Variants in PTPRD observed in about 807,000 individuals in gnomAD.
PTPRD encodes the protein protein tyrosine phosphatase receptor type D.
A neutral mutation model predicts 214.5 loss-of-function variants in PTPRD; 34 were observed. The ratio of observed to expected loss-of-function variants is 0.16; its 90% CI spans 0.12 to 0.21. The LOEUF (loss-of-function observed/expected upper bound fraction) is 0.21. PTPRD is among the 10% of genes least tolerant of loss of function. The pLI is 1.00. For synonymous variants in PTPRD, 1,128 were observed against 845.7 expected (o/e 1.33, Z -5.79); for missense variants, 2,545 against 2,398.7 (o/e 1.06, Z -1.27).
rs150620796 is a variant in PTPRD at position 9,897,330 on chromosome 9, T to C, written c.-368+41177A>G. On this transcript the variant is annotated intron_variant, in intron 5 of 45. Transcript: ENST00000381196. ...TCTATATACTTTAAACCAAAGAATATATAAAGACAGTATTATGAACCTACA... is the reference window on the plus strand; with the variant it reads ...TCTATATACTTTAAACCAAAGAATACATAAAGACAGTATTATGAACCTACA... 9.2e-4 allele frequency among the ~76,000 whole-genome samples: 140 copies of C among 152,216 alleles called. 1 individual carries two copies. Among genetic ancestry groups the C allele is most frequent in the African/African-American group, 3.2e-3 (132 of 41,566 alleles).
In PTPRD at chr9:9,043,639, C is replaced by T. The variant is rs567703067; in HGVS notation, c.-142-24904G>A. Among the ~76,000 whole-genome samples, 355 of 152,220 alleles carry T rather than the reference C, an allele frequency of 2.3e-3. 1 individual carries two copies. Among genetic ancestry groups the T allele is most frequent in the Middle Eastern group, 0.014 (4 of 294 alleles). On this transcript the variant is annotated intron_variant, in intron 10 of 45. Coordinates refer to ENST00000381196, the MANE Select transcript of PTPRD (RefSeq NM_002839.4). Reference sequence around the variant, plus strand: ...AAAAACTAGGCTGGGCACAGTGGCTCACACCTGTAATCCCAGCACTTTGTG... The same window carrying T: ...AAAAACTAGGCTGGGCACAGTGGCTTACACCTGTAATCCCAGCACTTTGTG...
intron 2 of PTPRD, among the ~76,000 whole-genome samples, chr9:10,556,989 T>C (rs1243152133): frequency 6.6e-6 from 1 of 152,084 alleles, no homozygotes; most frequent in Non-Finnish European, 1.5e-5. Context: ...ATTACGGATA[T>C]ACCAGGTGGA....
At chr9:8,649,193 C>T (rs528721985) in intron 12 of PTPRD, among the ~76,000 whole-genome samples, 1 of 152,180 alleles carries the variant, frequency 6.6e-6, no homozygotes, top group Non-Finnish European at 1.5e-5. Context: ...TTAAGAGGAA[C>T]TAGTGTGATG....
At chr9:10,009,192 C>T (rs1282348998) in intron 4 of PTPRD, among the ~76,000 whole-genome samples, 1 of 151,932 alleles carries the variant, frequency 6.6e-6, no homozygotes, top group South Asian at 2.1e-4. Flanking sequence ...GTATGCTATA[C>T]ATTTGTCAAC....
chr9:10,110,644 G>A (rs72694883), intron 3 of PTPRD, among the ~76,000 whole-genome samples: 8,708 of 152,198 alleles, frequency 0.057, 329 homozygotes, highest in Admixed American at 0.1. Context: ...AGCAAGGTCA[G>A]TTAAAGGCTA....
chr9:9,780,728 G>A (rs995633341), intron 5 of PTPRD, among the ~76,000 whole-genome samples: 1 of 152,164 alleles, frequency 6.6e-6, no homozygotes, highest in East Asian at 1.9e-4. Context: ...AAGAACCTGT[G>A]CATTAATATT....
chr9:10,429,481 G>A (rs1470633014), intron 2 of PTPRD, among the ~76,000 whole-genome samples: 3 of 151,872 alleles, frequency 2.0e-5, no homozygotes, highest in Non-Finnish European at 4.4e-5. Flanking sequence ...TGCACAGTAA[G>A]ATACTATTCA....
At chr9:9,889,308 T>A (rs1422073035) in intron 5 of PTPRD, among the ~76,000 whole-genome samples, 1 of 152,160 alleles carries the variant, frequency 6.6e-6, no homozygotes. Flanking sequence ...GTAATGAATG[T>A]GTTAACTAGC....
At chr9:9,981,488 G>A (rs1214857432) in intron 4 of PTPRD, among the ~76,000 whole-genome samples, 1 of 151,624 alleles carries the variant, frequency 6.6e-6, no homozygotes, top group Admixed American at 6.6e-5. Flanking sequence ...CCGAGTAGCT[G>A]GGACTACAGG....
chr9:10,445,673 A>G (rs1374677791), intron 2 of PTPRD, among the ~76,000 whole-genome samples: 1 of 152,110 alleles, frequency 6.6e-6, no homozygotes, highest in Admixed American at 6.6e-5. Context: ...GGCTGGCTTG[A>G]GAACAGTGGC....
At chr9:10,432,548 T>C (rs533463210) in intron 2 of PTPRD, among the ~76,000 whole-genome samples, 110 of 152,114 alleles carry the variant, frequency 7.2e-4, no homozygotes, top group African/African-American at 2.6e-3. Context: ...TCTCTAGCTC[T>C]TAACACCTGT....
intron 4 of PTPRD, among the ~76,000 whole-genome samples, chr9:9,977,594 C>A (rs1009612710): frequency 3.3e-5 from 5 of 152,144 alleles, no homozygotes; most frequent in Non-Finnish European, 5.9e-5. Context: ...TAAGATATAA[C>A]AACTTGGCTT....
intron 27 of PTPRD, among the ~76,000 whole-genome samples, chr9:8,489,668 A>G (rs972591875): frequency 6.6e-6 from 1 of 152,330 alleles, no homozygotes; most frequent in East Asian, 1.9e-4. Context: ...AACAGGCTGG[A>G]GTAAGGGTTT....
At chr9:10,288,684 T>C (rs1355720528) in intron 3 of PTPRD, among the ~76,000 whole-genome samples, 2 of 152,212 alleles carry the variant, frequency 1.3e-5, no homozygotes, top group African/African-American at 4.8e-5. Flanking sequence ...AGCACCGCAG[T>C]AATGACATGC....
At chr9:10,355,023 TTAAA>T (rs1398319677) in intron 2 of PTPRD, among the ~76,000 whole-genome samples, 5 of 152,242 alleles carry the variant, frequency 3.3e-5, no homozygotes, top group African/African-American at 1.2e-4. Context: ...ATTATTTCTC[TTAAA>T]TAAATTATTC....
intron 3 of PTPRD, among the ~76,000 whole-genome samples, chr9:10,146,242 T>TCCAA (rs35749215): frequency 6.6e-6 from 1 of 151,418 alleles, no homozygotes; most frequent in Non-Finnish European, 1.5e-5. Context: ...CATCCATCCA[T>TCCAA]GCATACATAC....
At chr9:9,641,082 C>G (rs1305054816) in intron 7 of PTPRD, among the ~76,000 whole-genome samples, 1 of 90,870 alleles carries the variant, frequency 1.1e-5, no homozygotes, top group African/African-American at 2.8e-5. Flanking sequence ...ATAATGAAAG[C>G]TATAGCTTTA....
At chr9:9,848,982 C>G (rs1183193138) in intron 5 of PTPRD, among the ~76,000 whole-genome samples, 1 of 151,826 alleles carries the variant, frequency 6.6e-6, no homozygotes, top group Admixed American at 6.6e-5. Flanking sequence ...TAAACAGACA[C>G]AGAGAAATGT....
intron 8 of PTPRD, among the ~76,000 whole-genome samples, chr9:9,398,759 G>T (rs1165380720): frequency 6.6e-6 from 1 of 151,778 alleles, no homozygotes; most frequent in Non-Finnish European, 1.5e-5. Flanking sequence ...GTTAAATTTT[G>T]TATAAAAAGT....
Sources: gnomAD v4.1 joint callset for allele counts (sites outside exome capture counted in the v4.1 genomes callset) on GRCh38, gnomAD v4.1.1 for gene constraint, MANE v1.5 for transcripts, NCBI Gene and HGNC (gene_info 2026-07-23, HGNC 2026-07-21) for gene names.